Variants in PDE12 observed in about 807,000 individuals in gnomAD.
PDE12 encodes phosphodiesterase 12.
PDE12 carries 26 observed loss-of-function variants against 45.4 expected under a neutral mutation model. The observed-to-expected ratio is 0.57, with a 90% CI of 0.42 to 0.79. The LOEUF (loss-of-function observed/expected upper bound fraction) is 0.79. Ranked by LOEUF, PDE12 falls within the 30% of genes least tolerant of loss-of-function variation. The pLI is 0.00. For missense variants in PDE12, 668 were observed against 790.0 expected (o/e 0.85, Z 1.85); for synonymous variants, 283 against 323.9 (o/e 0.87, Z 1.36).
chr3:57,630,588 T>C, the PDE12 span: 2 of 1,528,534 alleles, frequency 1.3e-6, no homozygotes, highest in African/African-American at 1.4e-5. Context: ...TCAATACCTT[T>C]CCTAGTCAGA....
chr3:57,597,799 C>T, the PDE12 span: 1 of 152,394 alleles, frequency 6.6e-6, no homozygotes, highest in African/African-American at 2.4e-5. Flanking sequence ...GATGGGTATT[C>T]CCTGATGCCA....
chr3:57,597,370 T>C, the PDE12 span: 274 of 438,338 alleles, frequency 6.3e-4, no homozygotes, highest in East Asian at 6.8e-3. Flanking sequence ...GCTCTAGCCT[T>C]TAGGCTCTGG....
At chr3:57,649,868 T>G in the PDE12 span, among the ~76,000 whole-genome samples, 1 of 142,982 alleles carries the variant, frequency 7.0e-6, no homozygotes, top group Non-Finnish European at 1.5e-5. Flanking sequence ...CTAGACCACG[T>G]CTCCAAGTGG....
At chr3:57,613,383 G>A in the PDE12 span, among the ~76,000 whole-genome samples, 1 of 146,670 alleles carries the variant, frequency 6.8e-6, no homozygotes, top group Admixed American at 6.8e-5. Context: ...AACCTCTGCT[G>A]CCCGGGTTCA....
the PDE12 span, chr3:57,577,255 C>A: frequency 7.3e-7 from 1 of 1,368,254 alleles, no homozygotes; most frequent in Non-Finnish European, 1.0e-6. Context: ...TACTAAACCA[C>A]CACCAGTTTA....
rs1205267828 is a variant in PDE12, at chr3:57,561,733, C to G, written c.*1729C>G. 3 of 984,754 alleles carry G rather than the reference C, an allele frequency of 3.0e-6. No homozygotes were observed. Among genetic ancestry groups the G allele is most frequent in the Non-Finnish European group, 3.6e-6 (3 of 829,500 alleles). 61.0% of individuals were successfully genotyped at this position (984,754 alleles called of 1,614,324 possible). On this transcript the variant is annotated 3_prime_UTR_variant, in exon 3 of 3. Coordinates refer to ENST00000311180, the MANE Select transcript of PDE12 (RefSeq NM_177966.7). Reference sequence around the variant, plus strand: ...TGTTTCAAATTCTTTAATCTCTGAACCTAGTATCATAAGAATTTCCTCTTT... The same window carrying G: ...TGTTTCAAATTCTTTAATCTCTGAAGCTAGTATCATAAGAATTTCCTCTTT...
the PDE12 span, among the ~76,000 whole-genome samples, chr3:57,580,639 G>A: frequency 6.6e-6 from 1 of 151,670 alleles, no homozygotes. Flanking sequence ...AGTGATCCTC[G>A]TATCATGGCC....
the PDE12 span, among the ~76,000 whole-genome samples, chr3:57,573,519 A>G: frequency 2.6e-5 from 4 of 152,286 alleles, no homozygotes; most frequent in South Asian, 8.3e-4. Flanking sequence ...GCTCAAATTC[A>G]TACCTTCACA....
At chr3:57,568,284 C>A (rs922019673), downstream of PDE12, among the ~76,000 whole-genome samples, 2 of 151,006 alleles carry the variant, frequency 1.3e-5, no homozygotes, top group African/African-American at 4.9e-5. Flanking sequence ...AGCAACATGG[C>A]GAAACCCCAT....
chr3:57,627,553 G>C, the PDE12 span: 3 of 151,746 alleles, frequency 2.0e-5, no homozygotes, highest in Admixed American at 6.6e-5. Context: ...AAAATGGAAG[G>C]GAAAATAATG....
chr3:57,621,014 A>G, the PDE12 span, among the ~76,000 whole-genome samples: 2 of 152,216 alleles, frequency 1.3e-5, no homozygotes, highest in Non-Finnish European at 2.9e-5. Context: ...TTAAGTAAGC[A>G]AAACAGCCTT....
the PDE12 span, among the ~76,000 whole-genome samples, chr3:57,655,171 T>C: frequency 6.6e-6 from 1 of 152,086 alleles, no homozygotes; most frequent in South Asian, 2.1e-4. Context: ...GTAGCTGAGA[T>C]TACAGGCGGC....
At chr3:57,595,788 A>G in the PDE12 span, among the ~76,000 whole-genome samples, 1 of 152,056 alleles carries the variant, frequency 6.6e-6, no homozygotes, top group African/African-American at 2.4e-5. Context: ...CGTCTCTACT[A>G]ATAATACAAA....
the PDE12 span, chr3:57,577,303 G>A: frequency 6.2e-7 from 1 of 1,603,198 alleles, no homozygotes; most frequent in Non-Finnish European, 8.5e-7. Context: ...TGAATTTAAA[G>A]TATATTTCTT....
At chr3:57,596,317 A>C in the PDE12 span, among the ~76,000 whole-genome samples, 2 of 152,252 alleles carry the variant, frequency 1.3e-5, no homozygotes, top group African/African-American at 4.8e-5. Flanking sequence ...ATTCGTTTCT[A>C]AAATTTTTTT....
At chr3:57,633,873 A>G in the PDE12 span, among the ~76,000 whole-genome samples, 1 of 152,026 alleles carries the variant, frequency 6.6e-6, no homozygotes, top group African/African-American at 2.4e-5. Context: ...CCTGGGCAAC[A>G]AGAGCGAAAC....
At chr3:57,624,193 C>G in the PDE12 span, among the ~76,000 whole-genome samples, 13 of 151,822 alleles carry the variant, frequency 8.6e-5, no homozygotes, top group South Asian at 2.7e-3. Flanking sequence ...CTCTGTCGCC[C>G]AGGCTGGAGT....
At chr3:57,618,176 T>A in the PDE12 span, among the ~76,000 whole-genome samples, 2 of 152,214 alleles carry the variant, frequency 1.3e-5, no homozygotes, top group East Asian at 1.9e-4. Context: ...AAAATACTTA[T>A]AAGGTACTAT....
chr3:57,646,213 G>A, the PDE12 span: 10 of 1,458,604 alleles, frequency 6.9e-6, no homozygotes, highest in South Asian at 1.3e-4. Flanking sequence ...AATAATGGGT[G>A]GGGAAAAATA....
Sources: allele counts gnomAD v4.1 joint callset (sites outside exome capture counted in the v4.1 genomes callset), GRCh38; gene constraint gnomAD v4.1.1; transcripts MANE v1.5; gene names NCBI Gene and HGNC (gene_info 2026-07-23, HGNC 2026-07-21).